FHAD1: variants seen among roughly 807,000 people sequenced by gnomAD.
FHAD1 encodes forkhead-associated domain-containing protein 1.
In FHAD1, 146 loss-of-function variants were observed where a neutral mutation model predicts 191.3. That is an observed-to-expected ratio of 0.76 (90% CI 0.67 to 0.88). The LOEUF is 0.88. FHAD1 is among the 40% of genes least tolerant of loss of function. FHAD1 has a pLI of 0.00. For synonymous variants in FHAD1, 616 were observed against 672.3 expected (o/e 0.92, Z 1.29); for missense variants, 1,635 against 1,785.8 (o/e 0.92, Z 1.52).
chr1:15,366,850 T>A (rs1255745953), intron 24 of FHAD1, among the ~76,000 whole-genome samples: 1 of 152,194 alleles, frequency 6.6e-6, no homozygotes, highest in Non-Finnish European at 1.5e-5. Context: ...TTCTTGCATC[T>A]GATAGCAGCC....
chr1:15,347,262 T>C (rs1689240813), intron 18 of FHAD1, among the ~76,000 whole-genome samples: 1 of 152,164 alleles, frequency 6.6e-6, no homozygotes, highest in Admixed American at 6.5e-5. Context: ...AGCAAAAGCC[T>C]GGGGAAGATT....
intron 3 of FHAD1, among the ~76,000 whole-genome samples, chr1:15,283,392 G>T (rs1661274652): frequency 6.6e-6 from 1 of 152,112 alleles, no homozygotes; most frequent in Non-Finnish European, 1.5e-5. Context: ...CAGAGAGCTG[G>T]GTAGCAGCAC....
upstream of FHAD1, among the ~76,000 whole-genome samples, chr1:15,245,851 G>A (rs1477656929): frequency 1.3e-5 from 2 of 152,246 alleles, no homozygotes; most frequent in African/African-American, 4.8e-5. Flanking sequence ...TCTGTGCCCA[G>A]AAGTCCGCAT....
intron 21 of FHAD1, among the ~76,000 whole-genome samples, chr1:15,359,876 G>A (rs1379229721): frequency 6.6e-6 from 1 of 152,068 alleles, no homozygotes; most frequent in Non-Finnish European, 1.5e-5. Flanking sequence ...TGTGAACCCG[G>A]GAGGCGGAGC....
intron 2 of FHAD1, among the ~76,000 whole-genome samples, chr1:15,268,394 A>G (rs935091431): frequency 1.3e-4 from 20 of 149,750 alleles, no homozygotes; most frequent in Non-Finnish European, 2.5e-4. Flanking sequence ...CCAGTCTATC[A>G]TTGTTGGACA....
At chr1:15,272,663 A>G in intron 3 of FHAD1, 134 bp downstream of exon 3, 1 of 816,166 alleles carries the variant, frequency 1.2e-6, no homozygotes, top group Non-Finnish European at 1.9e-6. Context: ...CAGCAGAGAC[A>G]GAGTGGACCC....
rs148855286 is a variant in FHAD1 at position 15,311,251 on chromosome 1, C to T, written c.1040-1806C>T. Among the ~76,000 whole-genome samples the T allele has an allele frequency of 4.6e-5, 7 of 152,180 alleles. No homozygotes were observed. The highest frequency in any genetic ancestry group is 1.3e-4 in the Admixed American group (2 of 15,286). On this transcript the variant is annotated intron_variant, in intron 7 of 33. Transcript: ENST00000688493. This position sits in a 1 kb window ranked among gnomAD's most constrained non-coding sequence, Gnocchi z 4.1. ...GCGTGCCAGGCGGGAGGGGGCTGCA[C>T]GGAGAGCACCCCGGAGATCTCAGAG...
chr1:15,255,327 G>T (rs1044526933), intron 2 of FHAD1, among the ~76,000 whole-genome samples: 2 of 152,118 alleles, frequency 1.3e-5, no homozygotes, highest in African/African-American at 4.8e-5. Flanking sequence ...GTAATTATGG[G>T]CCTATTGTTT....
intron 10 of FHAD1, among the ~76,000 whole-genome samples, chr1:15,323,647 C>A (rs1439892153): frequency 1.3e-5 from 2 of 152,116 alleles, no homozygotes; most frequent in Non-Finnish European, 2.9e-5. Flanking sequence ...GTGCCTGAGC[C>A]CTGGCTCAGC....
At chr1:15,305,568 A>G (rs1670201691) in intron 6 of FHAD1, among the ~76,000 whole-genome samples, 1 of 152,150 alleles carries the variant, frequency 6.6e-6, no homozygotes, top group Non-Finnish European at 1.5e-5. Context: ...CTGCATCCCC[A>G]CCAAATCTCA....
intron 31 of FHAD1, among the ~76,000 whole-genome samples, chr1:15,385,345 C>T (rs1024579410): frequency 4.6e-5 from 7 of 152,066 alleles, no homozygotes; most frequent in African/African-American, 1.5e-4. Flanking sequence ...ATCTCAGTGC[C>T]CCTTCATAAA....
chr1:15,388,083 A>G lies in FHAD1; in HGVS notation c.4221A>G (p.Ala1407=). 1.6e-6 allele frequency: 2 copies of G among 1,289,926 alleles called. No individual in the cohort carries two copies. Among genetic ancestry groups the G allele is most frequent in the Non-Finnish European group, 2.0e-6 (2 of 988,890 alleles). The allele number at this position is 1,289,926 out of a possible 1,614,324, so 79.9% of individuals were successfully genotyped here. ...ESVEEHELRN[A]KESTPCNCAF... ...TAGAGGAGCACGAACTGAGAAACGC[A>G]AAAGAATCGACACCTTGCAACTGTG... is the stretch of plus-strand genomic sequence containing the variant. Residue 1407 remains alanine (A), a synonymous_variant, in exon 32 of 34, where the codon GCA becomes GCG. Coordinates refer to ENST00000688493, the MANE Select transcript of FHAD1 (RefSeq NM_001391957.1).
upstream of FHAD1, among the ~76,000 whole-genome samples, chr1:15,243,778 G>A (rs984188106): frequency 6.6e-6 from 1 of 152,254 alleles, no homozygotes; most frequent in Non-Finnish European, 1.5e-5. Flanking sequence ...AGACAAGAGT[G>A]CAGGCTGCTC....
rs1319921960 is a variant in FHAD1 at position 15,272,503 on chromosome 1, G to A, written c.274G>A (p.Glu92Lys). ...LRFGSAGLTY[E>K]LVIENPPPVS... ...ATTTGGGTCTGCAGGGCTGACCTAT[G>A]AACTGGTCATTGAAAATCCACCTCC... Residue 92 changes from glutamate (E) to lysine (K), a missense_variant, in exon 3 of 34, where the codon GAA (glutamate) becomes AAA (lysine). By Grantham distance (56) the Glu-to-Lys change is moderately conservative. Transcript: ENST00000688493. 6.5e-7 allele frequency: 1 copy of A among 1,548,016 alleles called. No homozygotes were observed. Among genetic ancestry groups the A allele is most frequent in the Admixed American group, 2.0e-5 (1 of 50,964 alleles).
At chr1:15,374,072 C>A (rs1698875595) in intron 26 of FHAD1, among the ~76,000 whole-genome samples, 1 of 152,166 alleles carries the variant, frequency 6.6e-6, no homozygotes, top group Non-Finnish European at 1.5e-5. Context: ...GCCAATCTAT[C>A]AAATCCCCCT....
At chr1:15,298,763 T>C (rs1256278078) in intron 5 of FHAD1, among the ~76,000 whole-genome samples, 1 of 152,204 alleles carries the variant, frequency 6.6e-6, no homozygotes, top group Non-Finnish European at 1.5e-5. Flanking sequence ...ACCACAGTTG[T>C]TAAGCTGGAA....
intron 20 of FHAD1, among the ~76,000 whole-genome samples, chr1:15,357,305 T>C (rs1294171240): frequency 6.6e-6 from 1 of 152,064 alleles, no homozygotes; most frequent in East Asian, 1.9e-4. Context: ...CAGGAGGGAC[T>C]CAGAATAGAA....
intron 20 of FHAD1, among the ~76,000 whole-genome samples, chr1:15,357,111 G>A (rs1048473676): frequency 3.9e-5 from 6 of 152,202 alleles, no homozygotes; most frequent in Non-Finnish European, 8.8e-5. Flanking sequence ...CACAGGACAT[G>A]CACATTTTCA....
intron 8 of FHAD1, 48 bp downstream of exon 8, chr1:15,313,235 G>A (rs1311275599): frequency 1.3e-6 from 2 of 1,510,814 alleles, no homozygotes; most frequent in East Asian, 5.3e-5. Flanking sequence ...GTGAAAAGCA[G>A]CTAAAGTGAA....
Sources: gnomAD v4.1 joint callset for allele counts (sites outside exome capture counted in the v4.1 genomes callset) on GRCh38, gnomAD v4.1.1 for gene constraint, Gnocchi (gnomAD v3.1) non-coding constraint, MANE v1.5 for transcripts, NCBI Gene and HGNC (gene_info 2026-07-23, HGNC 2026-07-21) for gene names.